PRMT8: variants seen among roughly 807,000 people sequenced by gnomAD.
PRMT8 encodes the protein protein arginine methyltransferase 8, also known as protein arginine N-methyltransferase 8.
In PRMT8, 7 loss-of-function variants were observed where a neutral mutation model predicts 47.1. The observed-to-expected ratio is 0.15, with a 90% CI of 0.08 to 0.28. The LOEUF (loss-of-function observed/expected upper bound fraction) is 0.28, where lower values mean the gene tolerates loss of function less well. Among genes scored for constraint, PRMT8 ranks in the 10% least tolerant of loss-of-function variants. PRMT8 has a pLI of 1.00. For missense variants in PRMT8, 237 were observed against 505.4 expected (o/e 0.47, Z 5.09); for synonymous variants, 188 against 186.5 (o/e 1.01, Z -0.07).
upstream of PRMT8, among the ~76,000 whole-genome samples, chr12:3,489,843 A>G (rs560162521): frequency 8.0e-5 from 12 of 149,576 alleles, no homozygotes; most frequent in South Asian, 2.1e-4. Flanking sequence ...ACGCGCGCAC[A>G]CACACACACA....
At chr12:3,515,263 A>G (rs1270685073) in intron 1 of PRMT8, among the ~76,000 whole-genome samples, 1 of 152,180 alleles carries the variant, frequency 6.6e-6, no homozygotes, top group Admixed American at 6.5e-5. Flanking sequence ...GTTTTGGATG[A>G]ATTCAGAAAA....
intron 1 of PRMT8, among the ~76,000 whole-genome samples, chr12:3,497,917 C>T (rs1039753595): frequency 7.2e-5 from 11 of 152,200 alleles, no homozygotes; most frequent in Admixed American, 3.9e-4. Flanking sequence ...TCACAGAGCT[C>T]TTCCGTGTTG....
At chr12:3,507,240 G>A (rs1228861398) in intron 1 of PRMT8, among the ~76,000 whole-genome samples, 2 of 150,530 alleles carry the variant, frequency 1.3e-5, no homozygotes, top group African/African-American at 2.5e-5. Context: ...TCCTGCCTCA[G>A]CCTCCCGAGT....
chr12:3,427,860 T>G lies in PRMT8; in HGVS notation c.48+46418T>G, dbSNP rs924859052. Among the ~76,000 whole-genome samples the G allele has an allele frequency of 2.0e-5, 3 of 152,346 alleles. No homozygotes were observed. The East Asian group carries it at 5.8e-4, about 29-fold the overall frequency. The stretch of plus-strand genomic sequence containing the variant: ...TTTCCCTTTTTTCGAAGATAATCAT[T>G]CTTTTCCAAAGTGAACTTCCTTTAT... On this transcript the variant is annotated intron_variant, in intron 1 of 9. Transcript: ENST00000452611.
At chr12:3,571,200 CAA>C (rs1465715422) in intron 6 of PRMT8, among the ~76,000 whole-genome samples, 1 of 152,192 alleles carries the variant, frequency 6.6e-6, no homozygotes, top group Non-Finnish European at 1.5e-5. Context: ...GCCTGACTGC[CAA>C]GCCCCTGGTG....
chr12:3,464,348 C>G (rs1190038821), intron 1 of PRMT8, among the ~76,000 whole-genome samples: 1 of 151,440 alleles, frequency 6.6e-6, no homozygotes, highest in Non-Finnish European at 1.5e-5. Context: ...GCTGTGTTTC[C>G]TTAAGAAAAA....
upstream of PRMT8, among the ~76,000 whole-genome samples, chr12:3,490,714 AG>A (rs1565420859): frequency 6.8e-6 from 1 of 148,010 alleles, no homozygotes; most frequent in East Asian, 2.0e-4. Flanking sequence ...AGAGAGAGAG[AG>A]AGAGAAAAGG....
At chr12:3,425,870 G>T (rs1300354239) in intron 1 of PRMT8, among the ~76,000 whole-genome samples, 1 of 152,244 alleles carries the variant, frequency 6.6e-6, no homozygotes, top group African/African-American at 2.4e-5. Context: ...CCACACATCC[G>T]CTCAGGGATG....
At chr12:3,505,692 G>T (rs1246302255) in intron 1 of PRMT8, among the ~76,000 whole-genome samples, 2 of 152,228 alleles carry the variant, frequency 1.3e-5, no homozygotes, top group Non-Finnish European at 2.9e-5. Flanking sequence ...GAGCCAGTAA[G>T]TAGCAGAGCT....
intron 1 of PRMT8, among the ~76,000 whole-genome samples, chr12:3,432,243 G>A (rs1407352557): frequency 1.3e-5 from 2 of 152,196 alleles, no homozygotes; most frequent in East Asian, 3.9e-4. Flanking sequence ...CTGCAAGATG[G>A]AGATAGGGCT....
intron 1 of PRMT8, among the ~76,000 whole-genome samples, chr12:3,513,950 C>G (rs970289537): frequency 3.3e-5 from 5 of 152,304 alleles, no homozygotes; most frequent in Non-Finnish European, 7.3e-5. Context: ...TAGTGATTTC[C>G]TCCTAGGAGC....
At chr12:3,463,585 G>GC (rs1565413966) in intron 1 of PRMT8, 2 of 152,148 alleles carry the variant, frequency 1.3e-5, no homozygotes, top group African/African-American at 4.8e-5. Context: ...CACCCATCTT[G>GC]CAGGACTCTT....
chr12:3,397,262 G>T (rs1039339282), intron 1 of PRMT8, among the ~76,000 whole-genome samples: 1 of 151,894 alleles, frequency 6.6e-6, no homozygotes, highest in Non-Finnish European at 1.5e-5. Context: ...GAGGAACTGC[G>T]TTCCTTTGGA....
Position 3,491,462 on chromosome 12 carries a change from G to T in PRMT8, c.-164G>T. Reference sequence around the variant, plus strand: ...AGGAAAATAAAAGAAAGTGGAGACTGCAGAACAGACTCCGCTGTGGCTGAC... The same window carrying T: ...AGGAAAATAAAAGAAAGTGGAGACTTCAGAACAGACTCCGCTGTGGCTGAC... On this transcript the variant is annotated 5_prime_UTR_variant, in exon 1 of 10. Transcript: ENST00000382622. The T allele has an allele frequency of 7.0e-7, 1 of 1,433,020 alleles. No homozygotes were observed. The highest frequency in any genetic ancestry group is 1.5e-5 in the South Asian group (1 of 65,892). The allele number at this position is 1,433,020 out of a possible 1,614,324, so 88.8% of individuals were successfully genotyped here.
Position 3,576,151 on chromosome 12 carries a change from C to T in PRMT8, c.713-720C>T, listed in dbSNP as rs757576887. On this transcript the variant is annotated intron_variant, in intron 6 of 9. Transcript: ENST00000382622. The surrounding 1 kb of genome is among the most constrained non-coding windows in gnomAD (Gnocchi z 4.0). ...AGTAGCCCAAAGGGGACAAGGAGCA[C>T]GGCTGACAAGGAGAGGGTTTGTGCT... is the stretch of plus-strand genomic sequence containing the variant. 6.6e-6 allele frequency among the ~76,000 whole-genome samples: 1 copy of T among 152,168 alleles called. No individual in the cohort carries two copies. The highest frequency in any genetic ancestry group is 2.1e-4 in the South Asian group (1 of 4,834).
intron 4 of PRMT8, among the ~76,000 whole-genome samples, chr12:3,556,779 C>T (rs1043842397): frequency 6.6e-6 from 1 of 152,142 alleles, no homozygotes; most frequent in African/African-American, 2.4e-5. Flanking sequence ...CAGCAAAGAC[C>T]TTGAGAAGGT....
upstream of PRMT8, among the ~76,000 whole-genome samples, chr12:3,487,058 T>A (rs1865329881): frequency 6.6e-6 from 1 of 152,212 alleles, no homozygotes; most frequent in African/African-American, 2.4e-5. Context: ...TGGGGCTGCC[T>A]GGAGGCTCAG....
At position 3,540,632 on chromosome 12, in the gene PRMT8, C is replaced by A. The variant is rs148005955; in HGVS notation, c.102C>A (p.Pro34=). 6.3e-7 allele frequency: 1 copy of A among 1,582,666 alleles called. No individual in the cohort carries two copies. Among genetic ancestry groups the A allele is most frequent in the South Asian group, 1.1e-5 (1 of 90,066 alleles). ...TGAACAGCCCCCCCTCCCAGCCCCC[C>A]CAGCCCGTCGTCCCTGCTAAGCCCG... ...TEVNSPPSQP[P]QPVVPAKPVQ... The change falls in exon 2 of 10, where the codon CCC becomes CCA. Residue 34 remains proline (P), a synonymous_variant. Coordinates refer to ENST00000382622, the MANE Select transcript of PRMT8 (RefSeq NM_019854.5).
chr12:3,492,027 C>T lies in PRMT8; in HGVS notation c.75+327C>T, dbSNP rs1449299188. On this transcript the variant is annotated intron_variant, in intron 1 of 9. Transcript: ENST00000382622. This position sits in a 1 kb window ranked among gnomAD's most constrained non-coding sequence, Gnocchi z 7.5. ...CCCCCAAGTCCCAAACCCCGGGCAG[C>T]CGCGCTCCCCTGCCCTCTCCTCTGG... Among the ~76,000 whole-genome samples the T allele has an allele frequency of 6.6e-6, 1 of 152,094 alleles. No homozygotes were observed. The highest frequency in any genetic ancestry group is 1.5e-5 in the Non-Finnish European group (1 of 68,004).
Sources: gnomAD v4.1 joint callset for allele counts (sites outside exome capture counted in the v4.1 genomes callset) on GRCh38, gnomAD v4.1.1 for gene constraint, Gnocchi (gnomAD v3.1) non-coding constraint, MANE v1.5 for transcripts, NCBI Gene and HGNC (gene_info 2026-07-23, HGNC 2026-07-21) for gene names.